Variants in MAMDC2 observed in about 807,000 individuals in gnomAD.
MAMDC2 encodes MAM domain-containing protein 2.
Under a neutral mutation model 89.8 loss-of-function variants are expected in MAMDC2, and 57 were observed. The observed-to-expected ratio is 0.63, with a 90% CI of 0.51 to 0.79. The LOEUF (loss-of-function observed/expected upper bound fraction) is 0.79, where lower values mean the gene tolerates loss of function less well. Among genes scored for constraint, MAMDC2 ranks in the 30% least tolerant of loss-of-function variants. The pLI is 0.00. For synonymous variants in MAMDC2, 313 were observed against 293.4 expected (o/e 1.07, Z -0.68); for missense variants, 800 against 820.6 (o/e 0.97, Z 0.31).
At chr9:70,151,029 C>A (rs544571737) in intron 9 of MAMDC2, among the ~76,000 whole-genome samples, 26 of 152,324 alleles carry the variant, frequency 1.7e-4, no homozygotes, top group African/African-American at 6.3e-4. Context: ...CTTCATTCTG[C>A]CACATTCATA....
rs61397807 is a variant in MAMDC2, at chr9:70,124,638, A to G, written c.644-1521A>G. ...ATACACAGTAAATGTCCAGTGTATA[A>G]ATGCATATGCTCCTCCTAATATTTG... On this transcript the variant is annotated intron_variant, in intron 5 of 13. Coordinates refer to ENST00000377182, the MANE Select transcript of MAMDC2 (RefSeq NM_153267.5). Among the ~76,000 whole-genome samples, 448 of 152,296 alleles carry G rather than the reference A, an allele frequency of 2.9e-3. 1 individual carries two copies. Among genetic ancestry groups the G allele is most frequent in the African/African-American group, 0.01 (429 of 41,566 alleles).
intron 2 of MAMDC2, among the ~76,000 whole-genome samples, chr9:70,106,788 C>G (rs1296072628): frequency 1.3e-5 from 2 of 152,160 alleles, no homozygotes; most frequent in Non-Finnish European, 2.9e-5. Context: ...AGAGTTAGAT[C>G]TTGATCTTGA....
At chr9:70,045,188 G>GT (rs563265271) in intron 2 of MAMDC2, among the ~76,000 whole-genome samples, 2 of 152,316 alleles carry the variant, frequency 1.3e-5, no homozygotes, top group South Asian at 2.1e-4. Context: ...CCCTGACAGT[G>GT]TTTTTTGCTG....
At chr9:70,179,340 G>A (rs1587547841) in intron 11 of MAMDC2, among the ~76,000 whole-genome samples, 1 of 100,640 alleles carries the variant, frequency 9.9e-6, no homozygotes, top group Non-Finnish European at 2.0e-5. Flanking sequence ...GTGAAACCTC[G>A]TCTCTACTAA....
At chr9:70,221,064 G>T (rs2033546065) in intron 12 of MAMDC2, among the ~76,000 whole-genome samples, 1 of 151,882 alleles carries the variant, frequency 6.6e-6, no homozygotes, top group South Asian at 2.1e-4. Flanking sequence ...TGTTGTTTGA[G>T]ACCAAAATAT....
At chr9:70,103,736 C>A (rs1383304860) in intron 2 of MAMDC2, among the ~76,000 whole-genome samples, 1 of 151,920 alleles carries the variant, frequency 6.6e-6, no homozygotes, top group Non-Finnish European at 1.5e-5. Context: ...AATCCTAGCA[C>A]TTTGGGAGGC....
Position 70,226,143 on chromosome 9 carries a change from T to G in MAMDC2, c.*111T>G. Reference sequence around the variant, plus strand: ...CTTAACAATTTTATAAGTTATAAAATGACTTTAGAGCACCCTCCTTCATTA... The same window carrying G: ...CTTAACAATTTTATAAGTTATAAAAGGACTTTAGAGCACCCTCCTTCATTA... On this transcript the variant is annotated 3_prime_UTR_variant, in exon 14 of 14. Transcript: ENST00000377182. 1.6e-6 allele frequency: 1 copy of G among 619,826 alleles called. No individual in the cohort carries two copies. Among genetic ancestry groups the G allele is most frequent in the South Asian group, 3.3e-5 (1 of 30,742 alleles). 38.4% of individuals were successfully genotyped at this position (619,826 alleles called of 1,614,324 possible). A position where few individuals can be genotyped will look rare whatever the true frequency, so the allele number is the denominator to read the frequency against.
At position 70,170,565 on chromosome 9, in the gene MAMDC2, C is replaced by T. The variant is rs2032310183; in HGVS notation, c.1585C>T (p.His529Tyr). The part of the protein sequence containing the change: ...TQEKRNRSSW[H>Y]RRRGETPTSY... Reference sequence around the variant, plus strand: ...GGAGAAAAGAAACCGGAGCAGCTGGCACAGGAGGAGGGGAGAAACTCCCAC... The same window carrying T: ...GGAGAAAAGAAACCGGAGCAGCTGGTACAGGAGGAGGGGAGAAACTCCCAC... Residue 529 changes from histidine to tyrosine, a missense_variant, in exon 11 of 14, where the codon CAC (histidine) becomes TAC (tyrosine). Coordinates refer to ENST00000377182, the MANE Select transcript of MAMDC2 (RefSeq NM_153267.5). 1 of 1,612,872 alleles carries T rather than the reference C, an allele frequency of 6.2e-7. No homozygotes were observed. Among genetic ancestry groups the T allele is most frequent in the Non-Finnish European group, 8.5e-7 (1 of 1,179,662 alleles).
intron 4 of MAMDC2, among the ~76,000 whole-genome samples, chr9:70,111,125 A>G (rs1828500884): frequency 6.6e-6 from 1 of 152,178 alleles, no homozygotes; most frequent in Non-Finnish European, 1.5e-5. Context: ...TGGCATCTGC[A>G]CAGCTTGTGA....
At chr9:70,132,005 A>G (rs1216018975) in intron 7 of MAMDC2, among the ~76,000 whole-genome samples, 1 of 152,228 alleles carries the variant, frequency 6.6e-6, no homozygotes, top group Non-Finnish European at 1.5e-5. Flanking sequence ...ATATTTTAAA[A>G]ACGCTTTCCA....
At chr9:70,213,534 G>A (rs1169121907) in intron 11 of MAMDC2, among the ~76,000 whole-genome samples, 1 of 151,994 alleles carries the variant, frequency 6.6e-6, no homozygotes, top group Admixed American at 6.5e-5. Flanking sequence ...GATATACTAT[G>A]GTCATTTTCA....
At chr9:70,077,693 A>G (rs1187233533) in intron 2 of MAMDC2, among the ~76,000 whole-genome samples, 1 of 152,192 alleles carries the variant, frequency 6.6e-6, no homozygotes, top group East Asian at 1.9e-4. Flanking sequence ...TCACATGCCC[A>G]TCTTAGAGAA....
intron 9 of MAMDC2, among the ~76,000 whole-genome samples, chr9:70,155,870 A>G (rs2031744210): frequency 6.6e-6 from 1 of 152,106 alleles, no homozygotes; most frequent in African/African-American, 2.4e-5. Flanking sequence ...TCTACCTCAA[A>G]TGCCTCTTCC....
chr9:70,107,858 A>T (rs1239986595), intron 2 of MAMDC2, among the ~76,000 whole-genome samples: 3 of 152,130 alleles, frequency 2.0e-5, no homozygotes, highest in Admixed American at 6.6e-5. Flanking sequence ...GACCAGGGAG[A>T]TGAATGCAAT....
intron 4 of MAMDC2, among the ~76,000 whole-genome samples, chr9:70,110,816 G>T (rs1194036582): frequency 6.6e-6 from 1 of 152,170 alleles, no homozygotes; most frequent in Admixed American, 6.5e-5. Context: ...TACAGAGGGG[G>T]CATAATGAGG....
At chr9:70,119,225 G>A (rs956698657) in intron 5 of MAMDC2, among the ~76,000 whole-genome samples, 38 of 151,646 alleles carry the variant, frequency 2.5e-4, no homozygotes, top group African/African-American at 9.2e-4. Flanking sequence ...AAATAATGAG[G>A]GATGCATCTC....
At chr9:70,225,100 G>A (rs2033622515) in intron 12 of MAMDC2, among the ~76,000 whole-genome samples, 1 of 152,160 alleles carries the variant, frequency 6.6e-6, no homozygotes, top group African/African-American at 2.4e-5. Context: ...TGTTGGGACA[G>A]CCTTAGAGCT....
At chr9:70,068,723 C>T (rs1369972120) in intron 2 of MAMDC2, among the ~76,000 whole-genome samples, 2 of 18,310 alleles carry the variant, frequency 1.1e-4, no homozygotes, top group African/African-American at 2.9e-4. Context: ...CTCCCTCCAT[C>T]ACAAAAAAAA....
intron 2 of MAMDC2, chr9:70,062,478 T>C (rs1288734184): frequency 6.6e-6 from 1 of 152,224 alleles, no homozygotes; most frequent in African/African-American, 2.4e-5. Context: ...AACAAAAAGC[T>C]TTATACCAAA....
Sources: allele counts gnomAD v4.1 joint callset (sites outside exome capture counted in the v4.1 genomes callset), GRCh38; gene constraint gnomAD v4.1.1; transcripts MANE v1.5; gene names NCBI Gene and HGNC (gene_info 2026-07-23, HGNC 2026-07-21).